The following L3MBTL3 variants were observed in gnomAD, a reference collection of about 807,000 sequenced individuals.
L3MBTL3 encodes the protein L3MBTL histone methyl-lysine binding protein 3.
A neutral mutation model predicts 102.3 loss-of-function variants in L3MBTL3; 27 were observed. The ratio of observed to expected loss-of-function variants is 0.26; its 90% confidence interval spans 0.19 to 0.36. The LOEUF (loss-of-function observed/expected upper bound fraction) is 0.36. Among genes scored for constraint, L3MBTL3 ranks in the 10% least tolerant of loss-of-function variants. The pLI, the probability that L3MBTL3 is intolerant of heterozygous loss-of-function variation, is 1.00. For synonymous variants in L3MBTL3, 340 were observed against 320.9 expected, an observed-to-expected ratio of 1.06 and a Z score of -0.64; for missense variants, 798 against 955.3, an observed-to-expected ratio of 0.84 and a Z score of 2.17.
rs1307623661 is a variant in L3MBTL3 at position 130,109,585 on chromosome 6, C to G, written c.1886+5010C>G. On this transcript the variant is annotated intron_variant, in intron 19 of 22. Coordinates refer to ENST00000361794, the MANE Select transcript of L3MBTL3 (RefSeq NM_032438.4). Reference sequence around the variant, plus strand: ...TTTTTCTTGTAAATTTGTTTAAGTTCCTTATAGATTCTGGATCTTAGACCT... The same window carrying G: ...TTTTTCTTGTAAATTTGTTTAAGTTGCTTATAGATTCTGGATCTTAGACCT... Among the ~76,000 whole-genome samples, 6 of 152,078 alleles carry G rather than the reference C, an allele frequency of 3.9e-5. 1 individual carries two copies. Among genetic ancestry groups the G allele is most frequent in the South Asian group, 4.2e-4 (2 of 4,792 alleles).
chr6:130,060,254 G>C, intron 10 of L3MBTL3, 114 bp downstream of exon 10: 1 of 617,392 alleles, frequency 1.6e-6, no homozygotes. Context: ...TTACTGTTTT[G>C]TGTGCATTAT....
At chr6:130,136,347 C>T (rs536331528) in intron 22 of L3MBTL3, among the ~76,000 whole-genome samples, 3 of 152,260 alleles carry the variant, frequency 2.0e-5, no homozygotes, top group Admixed American at 1.3e-4. Context: ...CTCTCTTGCC[C>T]CCTGGCTTTT....
intron 17 of L3MBTL3, 32 bp from the exon 18 acceptor site, chr6:130,094,233 G>A: frequency 1.3e-6 from 2 of 1,520,704 alleles, no homozygotes; most frequent in Non-Finnish European, 1.8e-6. Context: ...TTAATATTTT[G>A]CCCCTTCTTT....
intron 3 of L3MBTL3, among the ~76,000 whole-genome samples, chr6:130,046,954 A>G (rs1172306018): frequency 1.3e-5 from 2 of 152,234 alleles, no homozygotes; most frequent in African/African-American, 4.8e-5. Flanking sequence ...TTTCTATCAT[A>G]GCAATGTTGT....
At chr6:130,040,405 C>T (rs563597100) in intron 2 of L3MBTL3, among the ~76,000 whole-genome samples, 2 of 151,762 alleles carry the variant, frequency 1.3e-5, no homozygotes, top group African/African-American at 2.4e-5. Context: ...TAATTTTGTA[C>T]CATCATGTGT....
At chr6:130,071,223 A>T (rs1455602327) in intron 13 of L3MBTL3, 96 bp downstream of exon 13, 3 of 1,115,162 alleles carry the variant, frequency 2.7e-6, no homozygotes. Context: ...AACAAAAAAA[A>T]GCAGTGTTCT....
intron 19 of L3MBTL3, among the ~76,000 whole-genome samples, chr6:130,117,776 C>T (rs1174382161): frequency 2.6e-5 from 4 of 151,848 alleles, no homozygotes; most frequent in African/African-American, 7.3e-5. Context: ...CATGGCTCAC[C>T]GCAGCTTTGT....
chr6:130,063,136 T>A (rs1316385611), intron 10 of L3MBTL3, among the ~76,000 whole-genome samples: 3 of 152,050 alleles, frequency 2.0e-5, no homozygotes, highest in African/African-American at 7.2e-5. Flanking sequence ...CCAGAGTATA[T>A]GTGGAGATCC....
Position 130,068,311 on chromosome 6 carries a change from T to A in L3MBTL3, c.1001-19T>A. 7.4e-7 allele frequency: 1 copy of A among 1,351,192 alleles called. No individual in the cohort carries two copies. Among genetic ancestry groups the A allele is most frequent in the South Asian group, 1.2e-5 (1 of 85,482 alleles). The allele number at this position is 1,351,192 out of a possible 1,614,324, so 83.7% of individuals were successfully genotyped here. On this transcript the variant is annotated intron_variant, in intron 11 of 22. Coordinates refer to ENST00000361794, the MANE Select transcript of L3MBTL3 (RefSeq NM_032438.4). ...TATTGTGGTATTTGAATCAATCTGT[T>A]CATATGTGCTTACTCTAGGGTATAA...
At chr6:130,137,694 T>TCA (rs1283809215) in intron 22 of L3MBTL3, 1 of 152,172 alleles carries the variant, frequency 6.6e-6, no homozygotes, top group Middle Eastern at 3.2e-3. Context: ...CGCCAGGCCT[T>TCA]CAGTAGGGCC....
intron 3 of L3MBTL3, among the ~76,000 whole-genome samples, chr6:130,043,554 A>T (rs1013865985): frequency 6.6e-6 from 1 of 152,160 alleles, no homozygotes; most frequent in Non-Finnish European, 1.5e-5. Flanking sequence ...CTATCTCTGG[A>T]ACCTTGAACC....
chr6:130,113,514 G>A (rs544151994), intron 19 of L3MBTL3, among the ~76,000 whole-genome samples: 86 of 152,294 alleles, frequency 5.6e-4, no homozygotes, highest in African/African-American at 2.0e-3. Flanking sequence ...CTCCCATGTT[G>A]TTTAAGCCTG....
chr6:130,061,796 G>A (rs1378696026), intron 10 of L3MBTL3, among the ~76,000 whole-genome samples: 2 of 152,178 alleles, frequency 1.3e-5, no homozygotes, highest in Non-Finnish European at 1.5e-5. Context: ...CATCTAAGAG[G>A]TGGGTGCAGG....
chr6:130,071,771 T>C (rs933511977), intron 13 of L3MBTL3, among the ~76,000 whole-genome samples: 3 of 152,152 alleles, frequency 2.0e-5, no homozygotes, highest in African/African-American at 7.2e-5. Flanking sequence ...ATAGGATAAG[T>C]GAATATTAAC....
chr6:130,047,264 G>A (rs766657636), intron 3 of L3MBTL3, among the ~76,000 whole-genome samples: 3 of 152,126 alleles, frequency 2.0e-5, no homozygotes, highest in East Asian at 1.9e-4. Flanking sequence ...ACTGTGCCCC[G>A]AAGTGACATT....
chr6:130,069,446 C>T (rs1782481022), intron 12 of L3MBTL3, among the ~76,000 whole-genome samples: 1 of 152,182 alleles, frequency 6.6e-6, no homozygotes, highest in African/African-American at 2.4e-5. Flanking sequence ...TAATCAAACA[C>T]AAACCAGGTT....
chr6:130,117,044 C>T (rs1785746978), intron 19 of L3MBTL3, among the ~76,000 whole-genome samples: 1 of 141,112 alleles, frequency 7.1e-6, no homozygotes, highest in African/African-American at 2.6e-5. Context: ...CATATGTATA[C>T]ATGTGCCATG....
rs1461640762 is a variant in L3MBTL3 at position 130,022,210 on chromosome 6, C to T, written c.-94-17C>T. 1.3e-5 allele frequency: 2 copies of T among 152,194 alleles called. No individual in the cohort carries two copies. The highest frequency in any genetic ancestry group is 2.9e-5 in the Non-Finnish European group (2 of 68,044). 9.4% of individuals were successfully genotyped at this position (152,194 alleles called of 1,614,324 possible). ...AGTGTTTTGATTTTACCTTCCCTCT[C>T]TTTAAACCAATGCTAGAACCCTTAG... On this transcript the variant is annotated splice_polypyrimidine_tract_variant and intron_variant, in intron 1 of 22. Transcript: ENST00000361794.
At chr6:130,074,904 TTGCCTGTAAG>T (rs1192787233) in intron 13 of L3MBTL3, among the ~76,000 whole-genome samples, 1 of 152,208 alleles carries the variant, frequency 6.6e-6, no homozygotes, top group African/African-American at 2.4e-5. Flanking sequence ...CTTTTCCTGA[TTGCCTGTAAG>T]TGTAGTGTAA....
Sources: gnomAD v4.1 joint callset for allele counts (sites outside exome capture counted in the v4.1 genomes callset) on GRCh38, gnomAD v4.1.1 for gene constraint, MANE v1.5 for transcripts, NCBI Gene and HGNC (gene_info 2026-07-23, HGNC 2026-07-21) for gene names.